Variants in SP140L observed in about 807,000 individuals in gnomAD.
SP140L encodes the protein nuclear body protein SP140-like protein.
In SP140L, 64 loss-of-function variants were observed where a neutral mutation model predicts 84.3. The ratio of observed to expected loss-of-function variants is 0.76; its 90% CI spans 0.62 to 0.94. The LOEUF (loss-of-function observed/expected upper bound fraction) is 0.94, where lower values mean the gene tolerates loss of function less well. Ranked by LOEUF, SP140L falls within the 40% of genes least tolerant of loss-of-function variation. SP140L has a pLI of 0.00. For missense variants in SP140L, 628 were observed against 692.5 expected (o/e 0.91, Z 1.05); for synonymous variants, 242 against 236.9 (o/e 1.02, Z -0.20).
At position 230,328,769 on chromosome 2, in the gene SP140L, A is replaced by T; in HGVS notation, c.45A>T (p.Gly15=). The T allele has an allele frequency of 6.2e-7, 1 of 1,612,862 alleles. No homozygotes were observed. The highest frequency in any genetic ancestry group is 8.5e-7 in the Non-Finnish European group (1 of 1,179,316). Residue 15 remains glycine (G), a synonymous_variant, in exon 2 of 19, where the codon GGA becomes GGT. Transcript: ENST00000415673. ...GSDLSTRGLN[G]GVSQVANEMN... The stretch of plus-strand genomic sequence containing the variant: ...ATTGTCTTTTTAGGGGGCTGAACGG[A>T]GGTGTTTCACAAGTAGCAAATGAGA...
At chr2:230,396,990 C>G (rs1004852058) in intron 14 of SP140L, among the ~76,000 whole-genome samples, 192 bp downstream of exon 14, 5 of 152,180 alleles carry the variant, frequency 3.3e-5, no homozygotes, top group African/African-American at 7.2e-5. Context: ...TGTGAAAGCA[C>G]TCTTTCCATC....
chr2:230,393,828 C>A (rs1258132381), intron 13 of SP140L, among the ~76,000 whole-genome samples: 1 of 152,152 alleles, frequency 6.6e-6, no homozygotes, highest in Non-Finnish European at 1.5e-5. Context: ...TCATCTCCAA[C>A]TCAAAATCAG....
chr2:230,356,492 GT>G (rs1173688202), intron 2 of SP140L, among the ~76,000 whole-genome samples: 1 of 152,194 alleles, frequency 6.6e-6, no homozygotes, highest in Non-Finnish European at 1.5e-5. Context: ...GCATGTATAT[GT>G]TTTGCTCATT....
At chr2:230,341,045 C>T (rs1298481805) in intron 2 of SP140L, among the ~76,000 whole-genome samples, 1 of 125,758 alleles carries the variant, frequency 8.0e-6, no homozygotes, top group Non-Finnish European at 1.6e-5. Context: ...GCCTGCCTTG[C>T]TAGATTGGGG....
At chr2:230,376,763 A>C (rs2061251667) in intron 7 of SP140L, among the ~76,000 whole-genome samples, 1 of 152,138 alleles carries the variant, frequency 6.6e-6, no homozygotes, top group Non-Finnish European at 1.5e-5. Flanking sequence ...CAAATACTAA[A>C]AGTAATCTTG....
intron 1 of SP140L, among the ~76,000 whole-genome samples, chr2:230,328,037 A>G (rs940549704): frequency 6.6e-6 from 1 of 152,230 alleles, no homozygotes; most frequent in African/African-American, 2.4e-5. Flanking sequence ...GAGTTTATAA[A>G]TAACATTACG....
chr2:230,337,036 G>A (rs549887797), intron 2 of SP140L, among the ~76,000 whole-genome samples: 11 of 152,166 alleles, frequency 7.2e-5, no homozygotes, highest in East Asian at 1.9e-4. Context: ...GTTTAATGGC[G>A]TTTCTAGTTC....
At chr2:230,332,472 G>A (rs924613507) in intron 2 of SP140L, among the ~76,000 whole-genome samples, 3 of 152,086 alleles carry the variant, frequency 2.0e-5, no homozygotes, top group Non-Finnish European at 4.4e-5. Flanking sequence ...ACATAATAGG[G>A]CAGAAGATGA....
intron 2 of SP140L, among the ~76,000 whole-genome samples, chr2:230,329,425 A>G (rs936808883): frequency 6.6e-6 from 1 of 152,148 alleles, no homozygotes; most frequent in African/African-American, 2.4e-5. Context: ...CCTCCATGAC[A>G]ATTATCTAGT....
At chr2:230,333,252 A>G (rs2059776007) in intron 2 of SP140L, among the ~76,000 whole-genome samples, 1 of 150,776 alleles carries the variant, frequency 6.6e-6, no homozygotes, top group South Asian at 2.1e-4. Context: ...TCCACCTCCC[A>G]GGTTCAAGTG....
intron 2 of SP140L, among the ~76,000 whole-genome samples, chr2:230,351,706 G>C (rs1350757693): frequency 5.9e-5 from 9 of 152,116 alleles, no homozygotes; most frequent in African/African-American, 2.2e-4. Context: ...GAGTGCAGTG[G>C]TGTGACCTCG....
chr2:230,351,198 C>A (rs962634333), intron 2 of SP140L, among the ~76,000 whole-genome samples: 1 of 152,174 alleles, frequency 6.6e-6, no homozygotes, highest in East Asian at 1.9e-4. Context: ...GTTGCCAAAT[C>A]TTTTCTGAAA....
chr2:230,332,582 T>C (rs987811834), intron 2 of SP140L, among the ~76,000 whole-genome samples: 1 of 152,246 alleles, frequency 6.6e-6, no homozygotes, highest in African/African-American at 2.4e-5. Flanking sequence ...ATGAGGGTTA[T>C]TTAAATGATG....
At chr2:230,353,290 A>C (rs2060421017) in intron 2 of SP140L, among the ~76,000 whole-genome samples, 1 of 151,932 alleles carries the variant, frequency 6.6e-6, no homozygotes, top group African/African-American at 2.4e-5. Flanking sequence ...AATATGTTTC[A>C]TTTCTATTGA....
chr2:230,394,863 T>G (rs2061979101), intron 13 of SP140L, among the ~76,000 whole-genome samples: 1 of 152,228 alleles, frequency 6.6e-6, no homozygotes, highest in Admixed American at 6.5e-5. Context: ...CATGATAATG[T>G]CTCTGCTCAG....
intron 2 of SP140L, among the ~76,000 whole-genome samples, chr2:230,346,602 T>G (rs1255926128): frequency 6.6e-6 from 1 of 152,214 alleles, no homozygotes; most frequent in African/African-American, 2.4e-5. Context: ...CTCCTCTAAG[T>G]AGATAATTTC....
chr2:230,382,205 G>A (rs2149791340), intron 7 of SP140L, among the ~76,000 whole-genome samples: 1 of 150,252 alleles, frequency 6.7e-6, no homozygotes, highest in Admixed American at 6.6e-5. Context: ...CAGGGGTAGG[G>A]ACAATGTCTA....
chr2:230,396,791 A>G lies in SP140L; in HGVS notation c.1190A>G (p.Asp397Gly). The G allele has an allele frequency of 6.2e-7, 1 of 1,613,990 alleles. No homozygotes were observed. The highest frequency in any genetic ancestry group is 8.5e-7 in the Non-Finnish European group (1 of 1,179,898). ...AAGTCTCAAAACAATAGCTCAGTTG[A>G]CCCTTGTGTAAGTATAAATTCTGAA... ...ILKSQNNSSV[D>G]PCMRNLDECE... The change falls in exon 14 of 19, where the codon GAC becomes GGC. Residue 397 changes from aspartate to glycine, a missense_variant. This residue lies in a region of SP140L where 525 missense variants were observed against 518.4 expected (regional missense o/e 1.01). Transcript: ENST00000415673.
At chr2:230,368,433 G>T (rs552240141) in intron 5 of SP140L, among the ~76,000 whole-genome samples, 28 of 152,276 alleles carry the variant, frequency 1.8e-4, no homozygotes, top group Non-Finnish European at 4.0e-4. Flanking sequence ...GACAGCTCAT[G>T]TTGGTGTAGT....
Sources: gnomAD v4.1 joint callset for allele counts (sites outside exome capture counted in the v4.1 genomes callset) on GRCh38, gnomAD v4.1.1 for gene constraint, gnomAD v4.1.1 regional missense constraint, MANE v1.5 for transcripts, NCBI Gene and HGNC (gene_info 2026-07-23, HGNC 2026-07-21) for gene names.